The following HS2ST1 variants were observed in gnomAD, a reference collection of about 807,000 sequenced individuals.
The protein encoded by HS2ST1 is heparan sulfate 2-O-sulfotransferase 1, also known as 2-O-sulfotransferase.
A neutral mutation model predicts 42.9 loss-of-function variants in HS2ST1; 18 were observed. The ratio of observed to expected loss-of-function variants is 0.42; its 90% CI spans 0.29 to 0.62. The LOEUF (loss-of-function observed/expected upper bound fraction) is 0.62, where lower values mean the gene tolerates loss of function less well. Ranked by LOEUF, HS2ST1 falls within the 20% of genes least tolerant of loss-of-function variation. HS2ST1 has a pLI of 0.21. For synonymous variants in HS2ST1, 146 were observed against 152.9 expected (o/e 0.95, Z 0.33); for missense variants, 334 against 433.8 (o/e 0.77, Z 2.04).
intron 1 of HS2ST1, among the ~76,000 whole-genome samples, chr1:86,921,195 T>C (rs1161046279): frequency 4.6e-5 from 7 of 152,170 alleles, no homozygotes; most frequent in Admixed American, 6.5e-5. Flanking sequence ...AGTATTGTTA[T>C]GGTGTTTTGT....
chr1:86,982,501 A>G (rs1432717125), intron 1 of HS2ST1, among the ~76,000 whole-genome samples: 2 of 152,112 alleles, frequency 1.3e-5, no homozygotes, highest in Non-Finnish European at 2.9e-5. Context: ...CGCTTTCAGA[A>G]AAAGCCATGT....
chr1:86,974,551 C>G (rs1278209368), intron 1 of HS2ST1, among the ~76,000 whole-genome samples: 3 of 152,130 alleles, frequency 2.0e-5, no homozygotes, highest in Non-Finnish European at 4.4e-5. Flanking sequence ...GATTTATAAC[C>G]AATCCAAACA....
chr1:87,065,057 G>A (rs1651213642), intron 1 of HS2ST1, among the ~76,000 whole-genome samples: 1 of 152,196 alleles, frequency 6.6e-6, no homozygotes, highest in Non-Finnish European at 1.5e-5. Context: ...CTTCCATGAG[G>A]ATCAGATGGT....
chr1:87,067,021 C>T (rs1651270150), intron 1 of HS2ST1, among the ~76,000 whole-genome samples: 1 of 152,146 alleles, frequency 6.6e-6, no homozygotes, highest in African/African-American at 2.4e-5. Context: ...AACAGTGCCA[C>T]AGTAAAACAT....
chr1:87,018,772 G>A (rs955308476), intron 1 of HS2ST1, among the ~76,000 whole-genome samples: 5 of 152,106 alleles, frequency 3.3e-5, no homozygotes, highest in African/African-American at 1.2e-4. Context: ...TAAGGGTGGT[G>A]GTTGCGCCTT....
chr1:87,023,927 A>C (rs1426852644), intron 1 of HS2ST1, among the ~76,000 whole-genome samples: 2 of 152,190 alleles, frequency 1.3e-5, no homozygotes, highest in Non-Finnish European at 2.9e-5. Context: ...CAACTGATGA[A>C]GAGCCATTGG....
chr1:87,041,116 CT>C, intron 1 of HS2ST1, among the ~76,000 whole-genome samples: 1 of 149,382 alleles, frequency 6.7e-6, no homozygotes, highest in East Asian at 2.0e-4. Flanking sequence ...TTGTTGTTTA[CT>C]TTTTAAAGGG....
intron 1 of HS2ST1, among the ~76,000 whole-genome samples, chr1:87,059,963 C>T (rs941769762): frequency 2.6e-5 from 4 of 152,108 alleles, no homozygotes; most frequent in Non-Finnish European, 5.9e-5. Flanking sequence ...TACTTCAGAC[C>T]TTACAATCCA....
At chr1:87,005,162 T>C (rs1371101614) in intron 1 of HS2ST1, among the ~76,000 whole-genome samples, 1 of 152,206 alleles carries the variant, frequency 6.6e-6, no homozygotes. Flanking sequence ...GAATCTCAAA[T>C]TGAGAAGGGT....
chr1:87,101,421 C>T (rs569677847), intron 5 of HS2ST1, among the ~76,000 whole-genome samples: 1 of 152,134 alleles, frequency 6.6e-6, no homozygotes, highest in Non-Finnish European at 1.5e-5. Context: ...CTGTCTCGGC[C>T]TCCCAAAGTG....
At chr1:87,062,264 C>T (rs1003829285) in intron 1 of HS2ST1, among the ~76,000 whole-genome samples, 2 of 151,580 alleles carry the variant, frequency 1.3e-5, no homozygotes, top group Non-Finnish European at 2.9e-5. Flanking sequence ...TTTTTCACTT[C>T]TGTTTTCTCT....
At chr1:86,999,966 C>CA (rs907870705) in intron 1 of HS2ST1, among the ~76,000 whole-genome samples, 4 of 151,680 alleles carry the variant, frequency 2.6e-5, no homozygotes, top group African/African-American at 9.7e-5. Flanking sequence ...TTAGTTATGC[C>CA]AAAAAAAGGG....
chr1:87,105,675 A>G lies in HS2ST1; in HGVS notation c.*979A>G, dbSNP rs537472774. ...GCTGTAAATATTGCATATTTTATGT[A>G]TTTGGACCAAAAGGTTACAAGTAAT... On this transcript the variant is annotated 3_prime_UTR_variant, in exon 7 of 7. Coordinates refer to ENST00000370550, the MANE Select transcript of HS2ST1 (RefSeq NM_012262.4). 1 of 152,610 alleles carries G rather than the reference A, an allele frequency of 6.6e-6. No homozygotes were observed. The highest frequency in any genetic ancestry group is 6.5e-5 in the Admixed American group (1 of 15,272). 9.5% of individuals were successfully genotyped at this position (152,610 alleles called of 1,614,324 possible). A position where few individuals can be genotyped will look rare whatever the true frequency, so the allele number is the denominator to read the frequency against.
chr1:86,953,872 A>T (rs910830714), intron 1 of HS2ST1, among the ~76,000 whole-genome samples: 3 of 152,020 alleles, frequency 2.0e-5, no homozygotes, highest in Non-Finnish European at 2.9e-5. Flanking sequence ...ATATTGTTGT[A>T]TACCCAGGAA....
chr1:86,923,556 C>T (rs1660348364), intron 1 of HS2ST1, among the ~76,000 whole-genome samples: 1 of 152,094 alleles, frequency 6.6e-6, no homozygotes, highest in African/African-American at 2.4e-5. Context: ...GCCACCACGC[C>T]TGGCCAATAT....
chr1:86,917,402 C>T (rs181405667), intron 1 of HS2ST1, among the ~76,000 whole-genome samples: 1 of 152,106 alleles, frequency 6.6e-6, no homozygotes, highest in East Asian at 1.9e-4. Context: ...GCCTGTAATC[C>T]CACCTACTCA....
intron 1 of HS2ST1, among the ~76,000 whole-genome samples, chr1:87,066,104 T>C (rs943187736): frequency 2.6e-5 from 4 of 151,366 alleles, no homozygotes; most frequent in Non-Finnish European, 4.4e-5. Context: ...AGATTTTAGT[T>C]TAATGTAATG....
chr1:86,996,931 A>G (rs1336663797), intron 1 of HS2ST1, among the ~76,000 whole-genome samples: 1 of 152,184 alleles, frequency 6.6e-6, no homozygotes, highest in African/African-American at 2.4e-5. Flanking sequence ...TATCAAATGA[A>G]TTCTCCTACT....
chr1:87,108,488 C>T lies in HS2ST1; in HGVS notation c.*3792C>T, dbSNP rs1015484840. 2.0e-5 allele frequency: 3 copies of T among 152,072 alleles called. No homozygotes were observed. Among genetic ancestry groups the T allele is most frequent in the African/African-American group, 7.2e-5 (3 of 41,428 alleles). The allele number at this position is 152,072 out of a possible 1,614,324, so 9.4% of individuals were successfully genotyped here. A position where few individuals can be genotyped will look rare whatever the true frequency, so the allele number is the denominator to read the frequency against. On this transcript the variant is annotated 3_prime_UTR_variant, in exon 7 of 7. Coordinates refer to ENST00000370550, the MANE Select transcript of HS2ST1 (RefSeq NM_012262.4). ...CAGAGAAGTTGCTGTTATGTTTTTG[C>T]ATCCGTTTACCCTATGCAAAGTTGC...
Sources: gnomAD v4.1 joint callset for allele counts (sites outside exome capture counted in the v4.1 genomes callset) on GRCh38, gnomAD v4.1.1 for gene constraint, MANE v1.5 for transcripts, NCBI Gene and HGNC (gene_info 2026-07-23, HGNC 2026-07-21) for gene names.